PEAK1: variants seen among roughly 807,000 people sequenced by gnomAD.
PEAK1 encodes the protein inactive tyrosine-protein kinase PEAK1.
PEAK1 carries 54 observed loss-of-function variants against 124.7 expected under a neutral mutation model. The ratio of observed to expected loss-of-function variants is 0.43; its 90% CI spans 0.35 to 0.54. The LOEUF is 0.54. Among genes scored for constraint, PEAK1 ranks in the 20% least tolerant of loss-of-function variants. PEAK1 has a pLI of 0.01. For synonymous variants in PEAK1, 719 were observed against 760.0 expected (o/e 0.95, Z 0.89); for missense variants, 2,046 against 2,134.5 (o/e 0.96, Z 0.82).
intron 5 of PEAK1, among the ~76,000 whole-genome samples, chr15:77,261,604 C>G (rs1177637437): frequency 3.9e-5 from 6 of 152,114 alleles, no homozygotes; most frequent in Non-Finnish European, 8.8e-5. Context: ...AAATATAGGA[C>G]TATGTGAACA....
chr15:77,204,221 G>A (rs2152850953), intron 6 of PEAK1, among the ~76,000 whole-genome samples: 2 of 152,258 alleles, frequency 1.3e-5, no homozygotes, highest in Admixed American at 1.3e-4. Context: ...CTATTAGAAT[G>A]TATAAAATCT....
chr15:77,220,481 C>A (rs1310176247), intron 6 of PEAK1, among the ~76,000 whole-genome samples: 3 of 128,194 alleles, frequency 2.3e-5, no homozygotes, highest in African/African-American at 5.9e-5. Flanking sequence ...ATAATGTTGC[C>A]AATACAATAG....
At chr15:77,159,130 A>ATTTAGTACACAC (rs1204196885) in intron 7 of PEAK1, among the ~76,000 whole-genome samples, 1 of 152,184 alleles carries the variant, frequency 6.6e-6, no homozygotes, top group Non-Finnish European at 1.5e-5. Flanking sequence ...TATATATAGT[A>ATTTAGTACACAC]TTTAGTACAC....
At chr15:77,222,448 C>T (rs1027122805) in intron 6 of PEAK1, among the ~76,000 whole-genome samples, 9 of 151,990 alleles carry the variant, frequency 5.9e-5, no homozygotes, top group Non-Finnish European at 5.9e-5. Flanking sequence ...CACTAATTAT[C>T]CCAATGATCT....
chr15:77,182,555 C>T (rs1484929516), intron 6 of PEAK1, among the ~76,000 whole-genome samples: 2 of 151,786 alleles, frequency 1.3e-5, no homozygotes, highest in Admixed American at 1.3e-4. Flanking sequence ...AGTTCAAGAC[C>T]AGCCTGGCTA....
At chr15:77,400,227 C>T (rs62007269) in intron 1 of PEAK1, among the ~76,000 whole-genome samples, 11,716 of 152,000 alleles carry the variant, frequency 0.077, 559 homozygotes, top group Non-Finnish European at 0.1. Flanking sequence ...TTAATTAGTA[C>T]GATCACTATG....
rs185903379 is a variant in PEAK1, at chr15:77,239,641, T to C, written c.-115+12726A>G. Among the ~76,000 whole-genome samples the C allele has an allele frequency of 7.9e-5, 12 of 152,318 alleles. No homozygotes were observed. In the East Asian group the frequency reaches 2.1e-3, roughly 27 times the overall value. On this transcript the variant is annotated intron_variant, in intron 6 of 9. Coordinates refer to ENST00000682557, the MANE Select transcript of PEAK1 (RefSeq NM_001385026.1). ...TGGCATAAAGGAAGATCAAGTGAAA[T>C]AGGATGTCCCTTCATACGTCAAAAT...
rs183455068 is a variant in PEAK1, at chr15:77,334,216, C to A, written c.-603+30947G>T. The A allele has an allele frequency of 6.1e-6, 6 of 983,920 alleles. No homozygotes were observed. In the East Asian group the frequency reaches 6.8e-4, roughly 112 times the overall value. 60.9% of individuals were successfully genotyped at this position (983,920 alleles called of 1,614,324 possible). A position where few individuals can be genotyped will look rare whatever the true frequency, so the allele number is the denominator to read the frequency against. ...CTGACTTCAGTACATTTAGACGTAACTAACCACATAATTTTAGTTCAAATA... is the reference window on the plus strand; with the variant it reads ...CTGACTTCAGTACATTTAGACGTAAATAACCACATAATTTTAGTTCAAATA... On this transcript the variant is annotated intron_variant, in intron 2 of 9. Transcript: ENST00000682557.
intron 5 of PEAK1, among the ~76,000 whole-genome samples, chr15:77,267,875 T>C (rs945018135): frequency 5.9e-5 from 9 of 151,940 alleles, no homozygotes; most frequent in Non-Finnish European, 1.0e-4. Flanking sequence ...AATCTCTGAA[T>C]TGCCAGAAAA....
intron 9 of PEAK1, 46 bp from the exon 10 acceptor site, chr15:77,115,365 GT>G: frequency 6.6e-7 from 1 of 1,521,530 alleles, no homozygotes; most frequent in Non-Finnish European, 9.0e-7. Context: ...TCATAACCAG[GT>G]TTATGATGTA....
chr15:77,256,835 C>T (rs148954213), intron 5 of PEAK1, among the ~76,000 whole-genome samples: 30,877 of 151,494 alleles, frequency 0.2, 3,941 homozygotes, highest in Middle Eastern at 0.28. Context: ...ATTAACTCGT[C>T]ATTTAGCATT....
At chr15:77,402,984 T>A (rs1452636218) in intron 1 of PEAK1, 34 of 985,294 alleles carry the variant, frequency 3.5e-5, no homozygotes, top group Non-Finnish European at 3.9e-5. Context: ...TAGACATTAT[T>A]TGCTCTTGCA....
intron 2 of PEAK1, chr15:77,352,141 G>A: frequency 1.1e-6 from 1 of 920,550 alleles, no homozygotes; most frequent in Non-Finnish European, 1.3e-6. Flanking sequence ...GATTGCTTTA[G>A]CCTGCAGTGA....
intron 1 of PEAK1, among the ~76,000 whole-genome samples, chr15:77,407,829 C>A (rs1198999236): frequency 1.3e-5 from 2 of 151,432 alleles, no homozygotes; most frequent in African/African-American, 4.9e-5. Context: ...CAGTACAATT[C>A]GCAATTGCAA....
chr15:77,283,880 T>C lies in PEAK1; in HGVS notation c.-275+3A>G, dbSNP rs1431497151. ...TAGACCTTATTACTTGCCACTTCCT[T>C]ACCTCTTTGTTACTGTTATTTATAT... On this transcript the variant is annotated splice_donor_region_variant and intron_variant, in intron 5 of 9. Coordinates refer to ENST00000682557, the MANE Select transcript of PEAK1 (RefSeq NM_001385026.1). 4 of 978,922 alleles carry C rather than the reference T, an allele frequency of 4.1e-6. No homozygotes were observed. The highest frequency in any genetic ancestry group is 3.6e-6 in the Non-Finnish European group (3 of 824,068). 60.6% of individuals were successfully genotyped at this position (978,922 alleles called of 1,614,324 possible).
Position 77,179,183 on chromosome 15 carries a change from C to T in PEAK1, c.2744G>A (p.Arg915Lys). The T allele has an allele frequency of 6.2e-7, 1 of 1,614,204 alleles. No individual in the cohort carries two copies. The highest frequency in any genetic ancestry group is 8.5e-7 in the Non-Finnish European group (1 of 1,180,034). The change falls in exon 7 of 10, where the codon AGG becomes AAG. Residue 915 changes from arginine (R) to lysine (K), a missense_variant. Physicochemically the swap from Arg to Lys is conservative, Grantham distance 26. Transcript: ENST00000682557. ...AESVLHSEGSRRAADAKPKRW... is the reference protein window; with the variant it reads ...AESVLHSEGSKRAADAKPKRW... ...CTTAGGTTTTGCATCAGCTGCCCGCCTGCTGCCTTCAGAGTGCAAAACTGA... is the reference window on the plus strand; with the variant it reads ...CTTAGGTTTTGCATCAGCTGCCCGCTTGCTGCCTTCAGAGTGCAAAACTGA...
intron 7 of PEAK1, among the ~76,000 whole-genome samples, chr15:77,172,530 C>G (rs1371546002): frequency 5.9e-5 from 9 of 152,132 alleles, no homozygotes; most frequent in Non-Finnish European, 1.5e-5. Context: ...GCCAAACACT[C>G]TCAGATTTGA....
intron 9 of PEAK1, among the ~76,000 whole-genome samples, chr15:77,117,254 G>C (rs1227940841): frequency 6.6e-6 from 1 of 152,164 alleles, no homozygotes; most frequent in Non-Finnish European, 1.5e-5. Context: ...CTCTCCAAGG[G>C]CTTGGGAGGC....
chr15:77,251,083 A>G (rs1056716157), intron 6 of PEAK1, among the ~76,000 whole-genome samples: 1 of 152,204 alleles, frequency 6.6e-6, no homozygotes, highest in African/African-American at 2.4e-5. Context: ...CCCATTCACT[A>G]TCAAGACATA....
Sources: gnomAD v4.1 joint callset for allele counts (sites outside exome capture counted in the v4.1 genomes callset) on GRCh38, gnomAD v4.1.1 for gene constraint, MANE v1.5 for transcripts, NCBI Gene and HGNC (gene_info 2026-07-23, HGNC 2026-07-21) for gene names.